CUX2: variants seen among roughly 807,000 people sequenced by gnomAD.
CUX2 encodes the protein homeobox protein cut-like 2.
CUX2 carries 40 observed loss-of-function variants against 144.8 expected under a neutral mutation model. The observed-to-expected ratio is 0.28, with a 90% CI of 0.21 to 0.36. The LOEUF (loss-of-function observed/expected upper bound fraction) is 0.36, where lower values mean the gene tolerates loss of function less well. CUX2 is among the 10% of genes least tolerant of loss of function. The pLI is 1.00. For synonymous variants in CUX2, 827 were observed against 875.6 expected (o/e 0.94, Z 0.98); for missense variants, 1,615 against 1,994.0 (o/e 0.81, Z 3.62).
chr12:111,298,469 G>A, intron 8 of CUX2, 72 bp from the exon 9 acceptor site: 1 of 1,490,342 alleles, frequency 6.7e-7, no homozygotes, highest in East Asian at 2.5e-5. Context: ...GCAGGGGCTG[G>A]GGGTGTCAGG....
rs544221696 is a variant in CUX2, at chr12:111,160,637, G to T, written c.64-53563G>T. Reference sequence around the variant, plus strand: ...GCCTGGGTTTTTGTCTCCATGTCCAGGGAGCCAATGGAGGGCTATGCAGAG... The same window carrying T: ...GCCTGGGTTTTTGTCTCCATGTCCATGGAGCCAATGGAGGGCTATGCAGAG... On this transcript the variant is annotated intron_variant, in intron 1 of 21. Transcript: ENST00000261726. This position sits in a 1 kb window ranked among gnomAD's most constrained non-coding sequence, Gnocchi z 4.1. Among the ~76,000 whole-genome samples the T allele has an allele frequency of 5.9e-5, 9 of 152,282 alleles. No homozygotes were observed. The South Asian group carries it at 1.9e-3, about 32-fold the overall frequency.
intron 3 of CUX2, among the ~76,000 whole-genome samples, chr12:111,242,570 T>C (rs778648678): frequency 6.6e-6 from 1 of 152,158 alleles, no homozygotes; most frequent in South Asian, 2.1e-4. Context: ...TCCCAGCAGT[T>C]TGGGAGACCG....
At chr12:111,341,631 G>A (rs1367717989) in intron 20 of CUX2, 149 bp from the exon 21 acceptor site, 7 of 917,826 alleles carry the variant, frequency 7.6e-6, no homozygotes, top group Non-Finnish European at 6.5e-6. Flanking sequence ...TGAGGAGGGA[G>A]AAAGGCTGGG....
intron 1 of CUX2, among the ~76,000 whole-genome samples, chr12:111,158,422 A>G (rs1007233727): frequency 6.6e-6 from 1 of 151,470 alleles, no homozygotes; most frequent in African/African-American, 2.4e-5. Flanking sequence ...AGCCTGGGCA[A>G]CAAAGTGAGA....
At chr12:111,226,476 C>T (rs777021730) in intron 3 of CUX2, among the ~76,000 whole-genome samples, 1 of 152,208 alleles carries the variant, frequency 6.6e-6, no homozygotes, top group Non-Finnish European at 1.5e-5. Context: ...AATCCTCTTT[C>T]ATTCAGTATT....
Position 111,246,078 on chromosome 12 carries a change from C to A in CUX2, c.223-17683C>A, listed in dbSNP as rs918512396. On this transcript the variant is annotated intron_variant, in intron 3 of 21. Transcript: ENST00000261726. This position sits in a 1 kb window ranked among gnomAD's most constrained non-coding sequence, Gnocchi z 4.0. ...TTCAGGGCCAAGCTGCTCTGTCTCC[C>A]GATCCCTACTCTGCCAGCTTTCCTA... is the stretch of plus-strand genomic sequence containing the variant. Among the ~76,000 whole-genome samples the A allele has an allele frequency of 3.3e-5, 5 of 152,122 alleles. No homozygotes were observed. The highest frequency in any genetic ancestry group is 7.4e-5 in the Non-Finnish European group (5 of 68,016).
chr12:111,344,299 G>A (rs183591410), intron 21 of CUX2, among the ~76,000 whole-genome samples: 227 of 152,262 alleles, frequency 1.5e-3, no homozygotes, highest in African/African-American at 5.2e-3. Flanking sequence ...GGATCTTACA[G>A]TCATAAAACA....
chr12:111,127,364 C>T (rs73413573), intron 1 of CUX2, among the ~76,000 whole-genome samples: 1 of 152,168 alleles, frequency 6.6e-6, no homozygotes, highest in African/African-American at 2.4e-5. Flanking sequence ...TTCCATTGAC[C>T]TTAGTTTGTC....
chr12:111,098,770 G>A (rs957992263), intron 1 of CUX2, among the ~76,000 whole-genome samples: 5 of 152,238 alleles, frequency 3.3e-5, no homozygotes, highest in African/African-American at 1.2e-4. Flanking sequence ...CTCTTCGTGA[G>A]TTCAGAGGAG....
intron 8 of CUX2, 54 bp from the exon 9 acceptor site, chr12:111,298,487 G>A: frequency 6.5e-7 from 1 of 1,538,632 alleles, no homozygotes; most frequent in Non-Finnish European, 8.8e-7. Context: ...AGGAGGGGCG[G>A]GGGCCTGGAG....
chr12:111,308,462 A>C lies in CUX2; in HGVS notation c.1194A>C (p.Ala398=), dbSNP rs1380298379. 4.3e-6 allele frequency: 7 copies of C among 1,613,950 alleles called. No homozygotes were observed. Among genetic ancestry groups the C allele is most frequent in the Non-Finnish European group, 5.9e-6 (7 of 1,180,014 alleles). The part of the protein sequence containing the change: ...MAKPEDSLLI[A]KEAFFPTQKF... Reference sequence around the variant, plus strand: ...AGCCTGAAGACTCACTGCTTATTGCAAAGGAGGCCTTCTTCCCCACGCAGA... The same window carrying C: ...AGCCTGAAGACTCACTGCTTATTGCCAAGGAGGCCTTCTTCCCCACGCAGA... Residue 398 remains alanine, a synonymous_variant, in exon 14 of 22, where the codon GCA becomes GCC. Coordinates refer to ENST00000261726, the MANE Select transcript of CUX2 (RefSeq NM_015267.4).
At chr12:111,147,272 TTCTA>T (rs1321833436) in intron 1 of CUX2, among the ~76,000 whole-genome samples, 1 of 152,208 alleles carries the variant, frequency 6.6e-6, no homozygotes, top group African/African-American at 2.4e-5. Flanking sequence ...ATTGAACCAG[TTCTA>T]TCTGATTCTT....
chr12:111,197,993 T>C (rs186736710), intron 1 of CUX2, among the ~76,000 whole-genome samples: 1 of 152,354 alleles, frequency 6.6e-6, no homozygotes, highest in Admixed American at 6.5e-5. Flanking sequence ...TTTCTTCCCT[T>C]TCTTGCTGCT....
chr12:111,077,172 T>G lies in CUX2; in HGVS notation c.63+42932T>G, dbSNP rs1429671699. Among the ~76,000 whole-genome samples the G allele has an allele frequency of 2.0e-5, 3 of 152,148 alleles. No homozygotes were observed. The highest frequency in any genetic ancestry group is 4.4e-5 in the Non-Finnish European group (3 of 68,022). ...TTTGCTGTAGTTCAAGGGAAATAAT[T>G]TATTAACTTGGGAATTCCAAATAGT... On this transcript the variant is annotated intron_variant, in intron 1 of 21. Coordinates refer to ENST00000261726, the MANE Select transcript of CUX2 (RefSeq NM_015267.4). This position sits in a 1 kb window ranked among gnomAD's most constrained non-coding sequence, Gnocchi z 4.1.
In CUX2 at chr12:111,348,135, C is replaced by T. The variant is rs749362145; in HGVS notation, c.4271C>T (p.Pro1424Leu). The change falls in exon 22 of 22, where the codon CCA (proline) becomes CTA (leucine). Residue 1424 changes from proline (P) to leucine (L), a missense_variant. Around this residue, in one of 12 missense-constraint regions of CUX2, gnomAD observed 298 missense variants for 330.4 expected, o/e 0.90. Coordinates refer to ENST00000261726, the MANE Select transcript of CUX2 (RefSeq NM_015267.4). ...TCCTCAGCTCCCATCTCCCCATCCC[C>T]ACCTGGCGCCCCCCCTGCCAAAGTG... ...PSSSAPISPSPPGAPPAKVPS... is the reference protein window; with the variant it reads ...PSSSAPISPSLPGAPPAKVPS... 1 of 1,614,122 alleles carries T rather than the reference C, an allele frequency of 6.2e-7. No homozygotes were observed. The highest frequency in any genetic ancestry group is 1.1e-5 in the South Asian group (1 of 91,078).
chr12:111,275,803 T>C (rs1037841158), intron 4 of CUX2, among the ~76,000 whole-genome samples: 1 of 152,188 alleles, frequency 6.6e-6, no homozygotes, highest in Non-Finnish European at 1.5e-5. Flanking sequence ...AGCCAGGTAC[T>C]GGAGCATCTT....
chr12:111,139,541 A>G (rs1876154901), intron 1 of CUX2, among the ~76,000 whole-genome samples: 1 of 152,172 alleles, frequency 6.6e-6, no homozygotes, highest in African/African-American at 2.4e-5. Flanking sequence ...CCAACCCCTC[A>G]GAGGAGGCTC....
chr12:111,298,285 C>T (rs1886115378), intron 8 of CUX2, among the ~76,000 whole-genome samples: 1 of 152,196 alleles, frequency 6.6e-6, no homozygotes, highest in East Asian at 1.9e-4. Flanking sequence ...ACTACCAGGA[C>T]AAAGGCTTGG....
chr12:111,135,884 G>C (rs11065810), intron 1 of CUX2, among the ~76,000 whole-genome samples: 34,281 of 152,216 alleles, frequency 0.23, 9,136 homozygotes, highest in African/African-American at 0.65. Context: ...TGTTCTGAAA[G>C]TAGATAGAGG....
Sources: gnomAD v4.1 joint callset for allele counts (sites outside exome capture counted in the v4.1 genomes callset) on GRCh38, gnomAD v4.1.1 for gene constraint, gnomAD v4.1.1 regional missense constraint, Gnocchi (gnomAD v3.1) non-coding constraint, MANE v1.5 for transcripts, NCBI Gene and HGNC (gene_info 2026-07-23, HGNC 2026-07-21) for gene names.